Variants in SH3BP2 observed in about 807,000 individuals in gnomAD.
SH3BP2 encodes the protein SH3 domain binding protein 2.
A neutral mutation model predicts 56.2 loss-of-function variants in SH3BP2; 38 were observed. The observed-to-expected ratio is 0.68, with a 90% CI of 0.52 to 0.89. The LOEUF is 0.89. Ranked by LOEUF, SH3BP2 falls within the 40% of genes least tolerant of loss-of-function variation. SH3BP2 has a pLI of 0.00. For synonymous variants in SH3BP2, 346 were observed against 316.7 expected (o/e 1.09, Z -0.98); for missense variants, 748 against 762.6 (o/e 0.98, Z 0.23).
chr4:2,806,562 C>G (rs1723541980), intron 1 of SH3BP2, among the ~76,000 whole-genome samples: 1 of 152,172 alleles, frequency 6.6e-6, no homozygotes, highest in African/African-American at 2.4e-5. Flanking sequence ...CGTGGCTTCC[C>G]CCAGACCCAC....
chr4:2,797,899 C>T (rs1445337186), intron 1 of SH3BP2, among the ~76,000 whole-genome samples: 1 of 152,218 alleles, frequency 6.6e-6, no homozygotes, highest in Non-Finnish European at 1.5e-5. Flanking sequence ...TGGCTTGTCA[C>T]TCCCCCCACC....
chr4:2,795,572 CGG>C (rs1723033008), intron 1 of SH3BP2, among the ~76,000 whole-genome samples: 1 of 152,128 alleles, frequency 6.6e-6, no homozygotes, highest in African/African-American at 2.4e-5. Context: ...GGGGAAAAGA[CGG>C]GGAATTTGCC....
Position 2,835,791 on chromosome 4 carries a change from A to C in SH3BP2, c.*1957A>C, listed in dbSNP as rs894330543. On this transcript the variant is annotated 3_prime_UTR_variant, in exon 13 of 13. Coordinates refer to ENST00000503393, the MANE Select transcript of SH3BP2 (RefSeq NM_001122681.2). ...AGGCGCCCGCCACCACGCCTGGCTA[A>C]TTTTTTGTATTTTTAGTAGAGACGG... The C allele has an allele frequency of 6.6e-6, 1 of 151,876 alleles. No individual in the cohort carries two copies. The highest frequency in any genetic ancestry group is 2.4e-5 in the African/African-American group (1 of 41,298). 9.4% of individuals were successfully genotyped at this position (151,876 alleles called of 1,614,324 possible). A position where few individuals can be genotyped will look rare whatever the true frequency, so the allele number is the denominator to read the frequency against.
intron 1 of SH3BP2, among the ~76,000 whole-genome samples, chr4:2,819,826 T>G (rs1198292181): frequency 1.3e-5 from 2 of 150,608 alleles, no homozygotes; most frequent in African/African-American, 2.4e-5. Context: ...AACAGCATGG[T>G]GTATCTCAAG....
intron 5 of SH3BP2, among the ~76,000 whole-genome samples, chr4:2,825,827 C>A (rs541171691): frequency 6.6e-6 from 1 of 152,394 alleles, no homozygotes; most frequent in South Asian, 2.1e-4. Flanking sequence ...CAGAATGATT[C>A]TCCTGGCGGG....
chr4:2,818,205 C>T (rs1724090787), intron 1 of SH3BP2: 2 of 987,754 alleles, frequency 2.0e-6, no homozygotes. Context: ...CGGCGGCTGC[C>T]AGGCCAGGGC....
At chr4:2,808,260 T>C (rs1723615986) in intron 1 of SH3BP2, among the ~76,000 whole-genome samples, 1 of 152,180 alleles carries the variant, frequency 6.6e-6, no homozygotes, top group South Asian at 2.1e-4. Flanking sequence ...GCCACATCCC[T>C]CCAGCCTCTT....
In SH3BP2 at chr4:2,838,890, C is replaced by T. The variant is rs977149293; in HGVS notation, c.*5056C>T. The T allele has an allele frequency of 1.3e-5, 2 of 152,188 alleles. No individual in the cohort carries two copies. The highest frequency in any genetic ancestry group is 4.8e-5 in the African/African-American group (2 of 41,420). The allele number at this position is 152,188 out of a possible 1,614,324, so 9.4% of individuals were successfully genotyped here. A position where few individuals can be genotyped will look rare whatever the true frequency, so the allele number is the denominator to read the frequency against. Reference sequence around the variant, plus strand: ...TTTTCTAGGGTTTGTACTCAGGAGTCTGACTCCTGGGTTCTAGGGTATGAA... The same window carrying T: ...TTTTCTAGGGTTTGTACTCAGGAGTTTGACTCCTGGGTTCTAGGGTATGAA... On this transcript the variant is annotated 3_prime_UTR_variant, in exon 13 of 13. Transcript: ENST00000503393.
intron 1 of SH3BP2, chr4:2,796,279 C>T (rs889381934): frequency 3.9e-5 from 12 of 308,154 alleles, no homozygotes; most frequent in South Asian, 2.6e-4. Context: ...AGGTTCGGGG[C>T]GGGTGGAGAC....
Position 2,833,013 on chromosome 4 carries a change from C to T in SH3BP2, c.1512C>T (p.Thr504=), listed in dbSNP as rs1577372627. ...AGGTCCTGGTTGTGTGGGACGAAAC[C>T]TCTAACAAAGTGAGGAACTATCGCA... ...SGKVLVVWDE[T]SNKVRNYRIF... Residue 504 remains threonine, a synonymous_variant, in exon 12 of 13, where the codon ACC becomes ACT. Transcript: ENST00000503393. The T allele has an allele frequency of 1.2e-6, 2 of 1,614,108 alleles. No homozygotes were observed. Among genetic ancestry groups the T allele is most frequent in the Non-Finnish European group, 1.7e-6 (2 of 1,180,044 alleles).
chr4:2,833,600 T>C, intron 12 of SH3BP2, 97 bp from the exon 13 acceptor site: 1 of 1,502,176 alleles, frequency 6.7e-7, no homozygotes, highest in Non-Finnish European at 9.1e-7. Flanking sequence ...GATGCCGCTG[T>C]TGATGCTGCT....
chr4:2,804,941 TG>T (rs1488618181), intron 1 of SH3BP2, among the ~76,000 whole-genome samples: 1 of 152,258 alleles, frequency 6.6e-6, no homozygotes, highest in Admixed American at 6.5e-5. Flanking sequence ...CAGTTGGCGA[TG>T]GAGCGGGCAC....
intron 3 of SH3BP2, 124 bp downstream of exon 3, chr4:2,823,161 G>A (rs989912293): frequency 1.3e-5 from 10 of 741,678 alleles, no homozygotes; most frequent in African/African-American, 6.9e-5. Flanking sequence ...AGCAGCCTTC[G>A]TGCCCATCCC....
In SH3BP2 at chr4:2,829,399, T is replaced by C; in HGVS notation, c.587-94T>C. 1 of 1,338,290 alleles carries C rather than the reference T, an allele frequency of 7.5e-7. No individual in the cohort carries two copies. The highest frequency in any genetic ancestry group is 1.7e-5 in the Admixed American group (1 of 59,612). 82.9% of individuals were successfully genotyped at this position (1,338,290 alleles called of 1,614,324 possible). A position where few individuals can be genotyped will look rare whatever the true frequency, so the allele number is the denominator to read the frequency against. On this transcript the variant is annotated intron_variant, in intron 7 of 12. Coordinates refer to ENST00000503393, the MANE Select transcript of SH3BP2 (RefSeq NM_001122681.2). This position sits in a 1 kb window ranked among gnomAD's most constrained non-coding sequence, Gnocchi z 4.9. ...GCTGTGGGGTGGGCCTACCATGGGT[T>C]GCACTCCTGGTTGGCCTGGCTGACC...
chr4:2,799,099 A>T (rs556356781), intron 1 of SH3BP2: 31 of 985,322 alleles, frequency 3.1e-5, no homozygotes, highest in Non-Finnish European at 3.6e-5. Context: ...TCCACCCGCC[A>T]CCCGTACCCG....
chr4:2,816,943 T>C (rs536514385), intron 1 of SH3BP2, among the ~76,000 whole-genome samples: 2 of 152,370 alleles, frequency 1.3e-5, no homozygotes, highest in Admixed American at 6.5e-5. Context: ...GCTGCTCTCA[T>C]AGAATGAGTT....
intron 1 of SH3BP2, among the ~76,000 whole-genome samples, chr4:2,819,454 A>G (rs1173524808): frequency 1.3e-5 from 2 of 152,006 alleles, no homozygotes; most frequent in Non-Finnish European, 2.9e-5. Context: ...TTCTTTATGT[A>G]TGTTTTTTGG....
chr4:2,795,004 C>A (rs1723015361), intron 1 of SH3BP2, among the ~76,000 whole-genome samples: 1 of 152,090 alleles, frequency 6.6e-6, no homozygotes, highest in South Asian at 2.1e-4. Flanking sequence ...GTGATCATGG[C>A]CAGGAGGCTT....
At chr4:2,818,790 G>A (rs1478963510) in intron 1 of SH3BP2, 1 of 987,096 alleles carries the variant, frequency 1.0e-6, no homozygotes, top group Non-Finnish European at 1.2e-6. Flanking sequence ...GCTGTCTTTG[G>A]GTGCAGAAGG....
Sources: gnomAD v4.1 joint callset for allele counts (sites outside exome capture counted in the v4.1 genomes callset) on GRCh38, gnomAD v4.1.1 for gene constraint, Gnocchi (gnomAD v3.1) non-coding constraint, MANE v1.5 for transcripts, NCBI Gene and HGNC (gene_info 2026-07-23, HGNC 2026-07-21) for gene names.